CDC16: variants seen among roughly 807,000 people sequenced by gnomAD.
The protein encoded by CDC16 is cell division cycle 16, also known as cell division cycle protein 16 homolog.
In CDC16, 34 loss-of-function variants were observed where a neutral mutation model predicts 87.0. The observed-to-expected ratio is 0.39, with a 90% CI of 0.30 to 0.52. The LOEUF is 0.52. CDC16 is among the 20% of genes least tolerant of loss of function. The probability of loss-of-function intolerance (pLI) is 0.74; values close to 1 mark genes in which losing one functional copy is unlikely to be tolerated. For missense variants in CDC16, 653 were observed against 751.9 expected (o/e 0.87, Z 1.54); for synonymous variants, 263 against 260.6 (o/e 1.01, Z -0.09).
intron 13 of CDC16, among the ~76,000 whole-genome samples, chr13:114,258,749 C>T (rs752038424): frequency 5.9e-5 from 9 of 152,126 alleles, no homozygotes; most frequent in Admixed American, 3.3e-4. Context: ...TGTATTTCCC[C>T]TGGCAGCCGC....
rs1292931595 is a variant in CDC16, at chr13:114,243,925, G to A, written c.703G>A (p.Val235Met). 28 of 1,603,932 alleles carry A rather than the reference G, an allele frequency of 1.7e-5. No individual in the cohort carries two copies. The highest frequency in any genetic ancestry group is 2.3e-5 in the Non-Finnish European group (27 of 1,170,988). ...DGLQENLDVV[V>M]SLAERHYYNC... The stretch of plus-strand genomic sequence containing the variant: ...CTTGCAAGAGAATCTGGATGTGGTA[G>A]TGTCTTTAGCTGAGAGACATTATTA... The change falls in exon 8 of 18, where the codon GTG (valine) becomes ATG (methionine). Residue 235 changes from valine (V) to methionine (M), a missense_variant. Transcript: ENST00000356221.
chr13:114,249,550 T>A (rs1312817104), intron 11 of CDC16, among the ~76,000 whole-genome samples: 1 of 152,178 alleles, frequency 6.6e-6, no homozygotes. Flanking sequence ...CCCCTATGTC[T>A]TCCACGTTTT....
chr13:114,243,562 A>C (rs1476575037), intron 7 of CDC16, among the ~76,000 whole-genome samples: 3 of 152,004 alleles, frequency 2.0e-5, no homozygotes, highest in African/African-American at 4.8e-5. Flanking sequence ...AAAAGATTGA[A>C]TTACCAAGTA....
intron 10 of CDC16, among the ~76,000 whole-genome samples, chr13:114,246,513 CA>C (rs2081882024): frequency 6.6e-6 from 1 of 152,170 alleles, no homozygotes; most frequent in Admixed American, 6.5e-5. Flanking sequence ...TCTTTAAGGA[CA>C]AAATCAGGAA....
chr13:114,255,558 A>C (rs1396373686), intron 12 of CDC16, among the ~76,000 whole-genome samples: 1 of 151,978 alleles, frequency 6.6e-6, no homozygotes, highest in Admixed American at 6.6e-5. Flanking sequence ...AGTATTTTGG[A>C]TTTTCAGAAT....
At chr13:114,271,907 A>C (rs1268278660) in intron 17 of CDC16, among the ~76,000 whole-genome samples, 1 of 152,240 alleles carries the variant, frequency 6.6e-6, no homozygotes. Context: ...TGCTTCTGAA[A>C]GTCTTCTGAC....
intron 8 of CDC16, among the ~76,000 whole-genome samples, chr13:114,244,337 G>A (rs896145494): frequency 3.3e-5 from 5 of 152,172 alleles, no homozygotes; most frequent in South Asian, 2.1e-4. Context: ...TATGCTGCAC[G>A]CAGTAGCTAA....
At chr13:114,253,891 A>T (rs1251941226) in intron 12 of CDC16, among the ~76,000 whole-genome samples, 1 of 152,174 alleles carries the variant, frequency 6.6e-6, no homozygotes, top group East Asian at 1.9e-4. Context: ...CAAGTGAGGT[A>T]TTAAAGTCTC....
intron 5 of CDC16, 104 bp downstream of exon 5, chr13:114,239,594 T>C: frequency 7.8e-7 from 1 of 1,278,490 alleles, no homozygotes; most frequent in Non-Finnish European, 9.9e-7. Context: ...ATTAAAACAA[T>C]TGTGGTTGCC....
intron 5 of CDC16, 56 bp downstream of exon 5, chr13:114,239,546 G>C: frequency 1.4e-6 from 2 of 1,440,738 alleles, no homozygotes; most frequent in Non-Finnish European, 1.8e-6. Flanking sequence ...CCCTCATTAC[G>C]TGGCAGAAAC....
chr13:114,271,684 T>C (rs559089311), intron 17 of CDC16, among the ~76,000 whole-genome samples: 1 of 151,388 alleles, frequency 6.6e-6, no homozygotes, highest in African/African-American at 2.4e-5. Flanking sequence ...GGTTTCACCG[T>C]GTTAGCCAGG....
chr13:114,246,809 A>G, intron 10 of CDC16, 122 bp from the exon 11 acceptor site: 1 of 692,824 alleles, frequency 1.4e-6, no homozygotes, highest in Non-Finnish European at 2.6e-6. Context: ...GAAATGTCTA[A>G]CTTAACTAGA....
intron 5 of CDC16, among the ~76,000 whole-genome samples, chr13:114,240,652 C>G (rs1385946869): frequency 6.6e-6 from 1 of 152,166 alleles, no homozygotes; most frequent in Non-Finnish European, 1.5e-5. Context: ...GCCACTGCAC[C>G]TGGCCCATTT....
chr13:114,267,696 T>A (rs1327540575), intron 17 of CDC16, among the ~76,000 whole-genome samples: 1 of 152,112 alleles, frequency 6.6e-6, no homozygotes, highest in East Asian at 1.9e-4. Context: ...GATAGAGTAA[T>A]CACTAAAAAG....
At chr13:114,245,126 G>A (rs2081789288) in intron 9 of CDC16, among the ~76,000 whole-genome samples, 157 bp downstream of exon 9, 2 of 152,146 alleles carry the variant, frequency 1.3e-5, no homozygotes, top group Admixed American at 1.3e-4. Context: ...GAAATGTTTA[G>A]GAAAGTAGCA....
rs1397529578 is a variant in CDC16 at position 114,239,397 on chromosome 13, A to G, written c.288A>G (p.Glu96=). ...HQQALDVLDM[E]EPINKRLFEK... is the part of the protein sequence containing the mutation. ...AGGCCCTTGATGTTCTTGACATGGA[A>G]GAGCCCATCAATAAAAGATTATTTG... Residue 96 remains glutamate, a synonymous_variant, in exon 5 of 18, where the codon GAA becomes GAG. Transcript: ENST00000356221. The G allele has an allele frequency of 6.2e-7, 1 of 1,613,026 alleles. No homozygotes were observed. Among genetic ancestry groups the G allele is most frequent in the East Asian group, 2.2e-5 (1 of 44,852 alleles).
intron 16 of CDC16, among the ~76,000 whole-genome samples, chr13:114,263,842 G>C (rs2083014613): frequency 6.6e-6 from 1 of 152,150 alleles, no homozygotes. Flanking sequence ...CATGGTTTGT[G>C]ATCTAGTCTG....
Position 114,267,541 on chromosome 13 carries a change from A to G in CDC16, c.1603+2301A>G, listed in dbSNP as rs148303690. On this transcript the variant is annotated intron_variant, in intron 17 of 17. Transcript: ENST00000356221. ...TATTGGTAGTTATGCATATTCTTAC[A>G]TATATTAACAGTATTTTACATGCTT... 1.7e-3 allele frequency among the ~76,000 whole-genome samples: 258 copies of G among 152,326 alleles called. 2 individuals are homozygous for G. Among genetic ancestry groups the G allele is most frequent in the African/African-American group, 5.8e-3 (242 of 41,566 alleles).
At chr13:114,243,120 T>A in intron 6 of CDC16, 137 bp from the exon 7 acceptor site, 2 of 571,084 alleles carry the variant, frequency 3.5e-6, no homozygotes. Context: ...CAGCTTCTGT[T>A]GCACATTTTG....
Sources: gnomAD v4.1 joint callset for allele counts (sites outside exome capture counted in the v4.1 genomes callset) on GRCh38, gnomAD v4.1.1 for gene constraint, MANE v1.5 for transcripts, NCBI Gene and HGNC (gene_info 2026-07-23, HGNC 2026-07-21) for gene names.